The following GRM3 variants were observed in gnomAD, a reference collection of about 807,000 sequenced individuals.
The protein encoded by GRM3 is metabotropic glutamate receptor 3.
In GRM3, 26 loss-of-function variants were observed where a neutral mutation model predicts 70.5. The observed-to-expected ratio is 0.37, with a 90% CI of 0.27 to 0.51. The LOEUF (loss-of-function observed/expected upper bound fraction) is 0.51. Ranked by LOEUF, GRM3 falls within the 20% of genes least tolerant of loss-of-function variation. The pLI, the probability that GRM3 is intolerant of heterozygous loss-of-function variation, is 0.93. For missense variants in GRM3, 859 were observed against 1,123.8 expected (o/e 0.76, Z 3.37); for synonymous variants, 443 against 434.9 (o/e 1.02, Z -0.23).
At chr7:86,827,020 G>C (rs1039978031) in intron 3 of GRM3, among the ~76,000 whole-genome samples, 2 of 152,144 alleles carry the variant, frequency 1.3e-5, no homozygotes, top group Admixed American at 6.5e-5. Flanking sequence ...TCCTTAATGA[G>C]AGTACAAAGT....
chr7:86,805,273 C>A (rs1429384116), intron 3 of GRM3, among the ~76,000 whole-genome samples: 2 of 151,578 alleles, frequency 1.3e-5, no homozygotes, highest in Non-Finnish European at 2.9e-5. Flanking sequence ...TTTTTTAAAA[C>A]TAGACTTTAT....
intron 3 of GRM3, among the ~76,000 whole-genome samples, chr7:86,806,926 G>A (rs563646446): frequency 6.6e-6 from 1 of 150,498 alleles, no homozygotes; most frequent in East Asian, 1.9e-4. Flanking sequence ...TTTTGTATAA[G>A]GTTTAAGGAG....
chr7:86,839,205 A>C lies in GRM3; in HGVS notation c.1691A>C (p.Asp564Ala). The change falls in exon 4 of 6, where the codon GAC (aspartate) becomes GCC (alanine). Residue 564 changes from aspartate to alanine, a missense_variant. Asp to Ala is a moderately radical substitution (Grantham distance 126). Transcript: ENST00000361669. This position sits in a 1 kb window ranked among gnomAD's most constrained non-coding sequence, Gnocchi z 4.5. ...ACTGCAGACCTAACTGGATGCTATG[A>C]CCTTCCTGAGGACTACATCAGGTGG... ...WPTADLTGCY[D>A]LPEDYIRWED... 6.2e-7 allele frequency: 1 copy of C among 1,613,696 alleles called. No individual in the cohort carries two copies. The highest frequency in any genetic ancestry group is 8.5e-7 in the Non-Finnish European group (1 of 1,179,622).
At chr7:86,752,457 A>G (rs1796252272) in intron 1 of GRM3, among the ~76,000 whole-genome samples, 1 of 152,130 alleles carries the variant, frequency 6.6e-6, no homozygotes, top group African/African-American at 2.4e-5. Context: ...TAAAATCAGA[A>G]CCAGTTTAAA....
At chr7:86,668,892 C>T (rs943511638) in intron 1 of GRM3, among the ~76,000 whole-genome samples, 1 of 152,074 alleles carries the variant, frequency 6.6e-6, no homozygotes, top group African/African-American at 2.4e-5. Flanking sequence ...TTCCCTTGAG[C>T]GTGAAATTTA....
chr7:86,781,756 T>C (rs942577933), intron 2 of GRM3, among the ~76,000 whole-genome samples: 4 of 152,182 alleles, frequency 2.6e-5, no homozygotes, highest in African/African-American at 4.8e-5. Context: ...ATGGCATTAA[T>C]ACAAATGTAA....
intron 3 of GRM3, among the ~76,000 whole-genome samples, chr7:86,796,287 C>T (rs1797548758): frequency 6.6e-6 from 1 of 152,148 alleles, no homozygotes; most frequent in South Asian, 2.1e-4. Flanking sequence ...ATATGGCTAG[C>T]CAGTTTTCCC....
Position 86,786,781 on chromosome 7 carries a change from T to G in GRM3, c.989T>G (p.Val330Gly). Residue 330 changes from valine to glycine, a missense_variant, in exon 3 of 6, where the codon GTC becomes GGC. Val to Gly is a moderately radical substitution (Grantham distance 109). Coordinates refer to ENST00000361669, the MANE Select transcript of GRM3 (RefSeq NM_000840.3). This position sits in a 1 kb window ranked among gnomAD's most constrained non-coding sequence, Gnocchi z 6.0. Reference sequence around the variant, plus strand: ...ACCCTGGAGCTGGCCTCCCAGCCTGTCCGCCAGTTCGACCGCTACTTCCAG... The same window carrying G: ...ACCCTGGAGCTGGCCTCCCAGCCTGGCCGCCAGTTCGACCGCTACTTCCAG... Reference protein sequence around the residue: ...AITLELASQPVRQFDRYFQSL... With the variant: ...AITLELASQPGRQFDRYFQSL... The G allele has an allele frequency of 6.2e-7, 1 of 1,614,114 alleles. No homozygotes were observed. Among genetic ancestry groups the G allele is most frequent in the East Asian group, 2.2e-5 (1 of 44,872 alleles).
chr7:86,813,543 A>C (rs185211759), intron 3 of GRM3, among the ~76,000 whole-genome samples: 88 of 151,950 alleles, frequency 5.8e-4, no homozygotes, highest in South Asian at 5.0e-3. Flanking sequence ...TGATCATCTG[A>C]GTTCACCTTA....
intron 2 of GRM3, among the ~76,000 whole-genome samples, chr7:86,769,750 T>G (rs1480300305): frequency 6.6e-6 from 1 of 152,176 alleles, no homozygotes; most frequent in Non-Finnish European, 1.5e-5. Flanking sequence ...CCAATGCTCT[T>G]ATTAAGTACA....
intron 1 of GRM3, among the ~76,000 whole-genome samples, chr7:86,662,257 A>G (rs1156438212): frequency 1.3e-5 from 2 of 152,034 alleles, no homozygotes; most frequent in East Asian, 3.9e-4. Flanking sequence ...TCCCTGCTTG[A>G]AAATAAGAAT....
At chr7:86,828,346 A>G (rs1798285479) in intron 3 of GRM3, among the ~76,000 whole-genome samples, 1 of 152,172 alleles carries the variant, frequency 6.6e-6, no homozygotes, top group African/African-American at 2.4e-5. Context: ...TGAAACTCAC[A>G]TACAATTTAC....
chr7:86,848,673 T>A (rs1033908396), intron 4 of GRM3, among the ~76,000 whole-genome samples: 3 of 152,142 alleles, frequency 2.0e-5, no homozygotes, highest in African/African-American at 7.2e-5. Context: ...AGACCATGCA[T>A]AATGGTTTTT....
chr7:86,697,197 C>T (rs982728989), intron 1 of GRM3, among the ~76,000 whole-genome samples: 4 of 151,748 alleles, frequency 2.6e-5, no homozygotes, highest in South Asian at 2.1e-4. Flanking sequence ...TACCCAAATT[C>T]GTTGTCTCCT....
At chr7:86,645,632 T>C (rs1265510129) in intron 1 of GRM3, among the ~76,000 whole-genome samples, 4 of 152,162 alleles carry the variant, frequency 2.6e-5, no homozygotes, top group Non-Finnish European at 5.9e-5. Flanking sequence ...CCTTGGGTTA[T>C]CAAAGGTGGA....
In GRM3 at chr7:86,852,356, C is replaced by G. The variant is rs577299872; in HGVS notation, c.2566+1812C>G. 1.2e-4 allele frequency among the ~76,000 whole-genome samples: 18 copies of G among 152,228 alleles called. No individual in the cohort carries two copies. In the South Asian group the frequency reaches 3.7e-3, roughly 32 times the overall value. ...CCAGACCTCAGTAATTTAGAAATGG[C>G]AGAATTTTCTAATGCATATGCTGGG... On this transcript the variant is annotated intron_variant, in intron 5 of 5. Transcript: ENST00000361669.
intron 1 of GRM3, among the ~76,000 whole-genome samples, chr7:86,661,395 C>T (rs1422300029): frequency 2.0e-5 from 3 of 151,924 alleles, no homozygotes; most frequent in Non-Finnish European, 2.9e-5. Flanking sequence ...TTACTAAGCA[C>T]TTTTTGTTAT....
At chr7:86,779,252 C>A (rs1796977678) in intron 2 of GRM3, among the ~76,000 whole-genome samples, 1 of 152,126 alleles carries the variant, frequency 6.6e-6, no homozygotes, top group Non-Finnish European at 1.5e-5. Context: ...TCCTGAAGGT[C>A]TAAATCAATT....
rs561912610 is a variant in GRM3, at chr7:86,799,191, G to T, written c.1324+12075G>T. 4.6e-5 allele frequency among the ~76,000 whole-genome samples: 7 copies of T among 152,184 alleles called. No homozygotes were observed. The East Asian group carries it at 1.4e-3, about 29-fold the overall frequency. On this transcript the variant is annotated intron_variant, in intron 3 of 5. Coordinates refer to ENST00000361669, the MANE Select transcript of GRM3 (RefSeq NM_000840.3). ...GTGTATAGGAATGCTTGTGATTTTT[G>T]CACACTGATTTTGTATCCTGAGACT...
Sources: allele counts gnomAD v4.1 joint callset (sites outside exome capture counted in the v4.1 genomes callset), GRCh38; gene constraint gnomAD v4.1.1; non-coding constraint Gnocchi (gnomAD v3.1); transcripts MANE v1.5; gene names NCBI Gene and HGNC (gene_info 2026-07-23, HGNC 2026-07-21).